The following HIPK3 variants were observed in gnomAD, a reference collection of about 807,000 sequenced individuals.
HIPK3 encodes homeodomain-interacting protein kinase 3.
Under a neutral mutation model 124.2 loss-of-function variants are expected in HIPK3, and 47 were observed. That is an observed-to-expected ratio of 0.38 (90% CI 0.30 to 0.48). The LOEUF (loss-of-function observed/expected upper bound fraction) is 0.48, where lower values mean the gene tolerates loss of function less well. Among genes scored for constraint, HIPK3 ranks in the 20% least tolerant of loss-of-function variants. HIPK3 has a pLI of 0.98. For synonymous variants in HIPK3, 482 were observed against 515.2 expected, an observed-to-expected ratio of 0.94 and a Z score of 0.87; for missense variants, 1,286 against 1,454.3, an observed-to-expected ratio of 0.88 and a Z score of 1.88.
chr11:33,322,234 C>T (rs1045448993), intron 2 of HIPK3, among the ~76,000 whole-genome samples: 3 of 151,950 alleles, frequency 2.0e-5, no homozygotes, highest in Non-Finnish European at 2.9e-5. Flanking sequence ...CTCCTGACCT[C>T]GTGATCTGCC....
In HIPK3 at chr11:33,355,244, CTACTG is replaced by C. The variant is rs1222992639; in HGVS notation, c.*1679_*1683del. On this transcript the variant is annotated 3_prime_UTR_variant, in exon 17 of 17. Coordinates refer to ENST00000303296, the MANE Select transcript of HIPK3 (RefSeq NM_005734.5). ...TTTTCTGTTTGGAGTGTCATTGTAA[CTACTG>C]TATTGTAAATGGTGGAAAATAATTG... The C allele has an allele frequency of 1.3e-5, 2 of 151,898 alleles. No individual in the cohort carries two copies. The highest frequency in any genetic ancestry group is 2.4e-5 in the African/African-American group (1 of 41,392). The allele number at this position is 151,898 out of a possible 1,614,324, so 9.4% of individuals were successfully genotyped here. A position where few individuals can be genotyped will look rare whatever the true frequency, so the allele number is the denominator to read the frequency against.
intron 3 of HIPK3, among the ~76,000 whole-genome samples, chr11:33,335,132 T>TG (rs1482508189): frequency 3.9e-5 from 6 of 152,148 alleles, no homozygotes; most frequent in Non-Finnish European, 8.8e-5. Context: ...TTAGCAGATC[T>TG]GGGGGCAAAT....
intron 1 of HIPK3, among the ~76,000 whole-genome samples, chr11:33,274,547 C>G (rs989161283): frequency 2.6e-5 from 4 of 152,178 alleles, no homozygotes; most frequent in Middle Eastern, 3.4e-3. Context: ...GTTATATAAG[C>G]TGAATTTGAG....
Position 33,270,153 on chromosome 11 carries a change from A to G in HIPK3, c.-3+12264A>G, listed in dbSNP as rs566406847. The stretch of plus-strand genomic sequence containing the variant: ...CCATGACGCCTGGCTAATTTTTTGT[A>G]TTTGCAGTAGAAATGGGGTTTCACC... On this transcript the variant is annotated intron_variant, in intron 1 of 16. Coordinates refer to ENST00000303296, the MANE Select transcript of HIPK3 (RefSeq NM_005734.5). 4.6e-5 allele frequency among the ~76,000 whole-genome samples: 7 copies of G among 151,296 alleles called. No homozygotes were observed. The South Asian group carries it at 1.5e-3, about 32-fold the overall frequency.
chr11:33,351,843 G>C lies in HIPK3; in HGVS notation c.3043G>C (p.Asp1015His). ...TGCCGATGAGCATATGGCAAACACA[G>C]GTAAGTTGAGTCCTCCCATTTCTCT... ...LNADEHMANT[D>H]SICQPLIKGR... Residue 1015 changes from aspartate (D) to histidine (H), a missense_variant and splice_region_variant, in exon 15 of 17, where the codon GAT becomes CAT. By Grantham distance (81) the Asp-to-His change is moderately conservative. Coordinates refer to ENST00000303296, the MANE Select transcript of HIPK3 (RefSeq NM_005734.5). 6.2e-7 allele frequency: 1 copy of C among 1,605,246 alleles called. No homozygotes were observed. Among genetic ancestry groups the C allele is most frequent in the Non-Finnish European group, 8.5e-7 (1 of 1,172,452 alleles).
intron 1 of HIPK3, among the ~76,000 whole-genome samples, chr11:33,275,284 C>A (rs900391626): frequency 1.3e-5 from 2 of 152,078 alleles, no homozygotes; most frequent in Non-Finnish European, 2.9e-5. Context: ...GTGATCCGCC[C>A]GCCTCAGCCT....
At chr11:33,316,671 C>T (rs569182729) in intron 2 of HIPK3, among the ~76,000 whole-genome samples, 1 of 151,954 alleles carries the variant, frequency 6.6e-6, no homozygotes, top group Admixed American at 6.6e-5. Context: ...AAAATAAAAA[C>T]CATTAGCTGG....
intron 3 of HIPK3, among the ~76,000 whole-genome samples, chr11:33,336,453 C>G (rs1853151080): frequency 6.6e-6 from 1 of 152,180 alleles, no homozygotes; most frequent in Admixed American, 6.5e-5. Flanking sequence ...ATTCCTTCCT[C>G]TCTATTCCCA....
At chr11:33,295,994 C>T (rs994416256) in intron 2 of HIPK3, among the ~76,000 whole-genome samples, 1 of 152,168 alleles carries the variant, frequency 6.6e-6, no homozygotes, top group Admixed American at 6.5e-5. Context: ...TGAGTTTGGC[C>T]TTAACTGAGG....
chr11:33,269,332 T>C (rs1851059576), intron 1 of HIPK3, among the ~76,000 whole-genome samples: 1 of 152,194 alleles, frequency 6.6e-6, no homozygotes, highest in Non-Finnish European at 1.5e-5. Flanking sequence ...AGTACACACT[T>C]TGGGATTTCA....
At chr11:33,299,088 C>A (rs963375530) in intron 2 of HIPK3, among the ~76,000 whole-genome samples, 2 of 151,584 alleles carry the variant, frequency 1.3e-5, no homozygotes, top group African/African-American at 4.8e-5. Flanking sequence ...CTCAAGTGAT[C>A]TACCTGCCTC....
intron 2 of HIPK3, among the ~76,000 whole-genome samples, chr11:33,326,671 AT>A (rs112986079): frequency 2.4e-3 from 341 of 144,242 alleles, no homozygotes; most frequent in African/African-American, 5.2e-3. Flanking sequence ...CAAATCTGGG[AT>A]TTTTTTTTTT....
In HIPK3 at chr11:33,298,175, C is replaced by A. The variant is rs187289361; in HGVS notation, c.1097+10664C>A. On this transcript the variant is annotated intron_variant, in intron 2 of 16. Transcript: ENST00000303296. ...ACTTACCATTCTGAAAATCCCAGAG[C>A]CCTTTAGAATTACGCCAAATCGACT... is the stretch of plus-strand genomic sequence containing the variant. 9.4e-3 allele frequency among the ~76,000 whole-genome samples: 1,426 copies of A among 152,202 alleles called. 6 individuals are homozygous for A. The highest frequency in any genetic ancestry group is 0.014 in the Non-Finnish European group (965 of 68,010).
intron 2 of HIPK3, among the ~76,000 whole-genome samples, chr11:33,309,571 T>C (rs1852262211): frequency 6.6e-6 from 1 of 152,244 alleles, no homozygotes; most frequent in African/African-American, 2.4e-5. Context: ...TTGACTCTTA[T>C]TTTTAATTTA....
chr11:33,313,417 T>G (rs796809765), intron 2 of HIPK3, among the ~76,000 whole-genome samples: 54 of 152,276 alleles, frequency 3.5e-4, no homozygotes, highest in African/African-American at 1.2e-3. Context: ...CAAGAGCTTG[T>G]TTTGGGGAAG....
chr11:33,301,821 GACACACACACACACAC>G (rs143389257), intron 2 of HIPK3, among the ~76,000 whole-genome samples: 1 of 127,468 alleles, frequency 7.8e-6, no homozygotes, highest in Non-Finnish European at 1.7e-5. Flanking sequence ...AACCCTGTCT[GACACACACACACACAC>G]ACACACACAC....
chr11:33,273,104 G>A (rs1851179702), intron 1 of HIPK3, among the ~76,000 whole-genome samples: 1 of 151,594 alleles, frequency 6.6e-6, no homozygotes, highest in African/African-American at 2.4e-5. Flanking sequence ...TATTGTTTCC[G>A]ACTTGATACC....
chr11:33,331,532 T>C (rs1412151424), intron 3 of HIPK3, among the ~76,000 whole-genome samples: 1 of 152,134 alleles, frequency 6.6e-6, no homozygotes, highest in Non-Finnish European at 1.5e-5. Context: ...TGCACCAGCA[T>C]GCCTGACTCA....
intron 2 of HIPK3, among the ~76,000 whole-genome samples, chr11:33,316,854 C>G (rs974018165): frequency 6.6e-6 from 1 of 151,982 alleles, no homozygotes; most frequent in Non-Finnish European, 1.5e-5. Context: ...AAAATTGTTC[C>G]TTATAATAAA....
Sources: gnomAD v4.1 joint callset for allele counts (sites outside exome capture counted in the v4.1 genomes callset) on GRCh38, gnomAD v4.1.1 for gene constraint, MANE v1.5 for transcripts, NCBI Gene and HGNC (gene_info 2026-07-23, HGNC 2026-07-21) for gene names.